MAP4K5: variants seen among roughly 807,000 people sequenced by gnomAD.
MAP4K5 encodes the protein MAPK/ERK kinase kinase kinase 5.
A neutral mutation model predicts 135.6 loss-of-function variants in MAP4K5; 82 were observed. That is an observed-to-expected ratio of 0.60 (90% CI 0.51 to 0.73). The LOEUF is 0.73. MAP4K5 is among the 30% of genes least tolerant of loss of function. The probability of loss-of-function intolerance (pLI) is 0.00; values close to 1 mark genes in which losing one functional copy is unlikely to be tolerated. For missense variants in MAP4K5, 907 were observed against 1,010.9 expected, an observed-to-expected ratio of 0.90 and a Z score of 1.39; for synonymous variants, 347 against 335.0, an observed-to-expected ratio of 1.04 and a Z score of -0.39.
At chr14:50,510,219 A>ATATGC (rs769052616) in intron 2 of MAP4K5, among the ~76,000 whole-genome samples, 1 of 152,228 alleles carries the variant, frequency 6.6e-6, no homozygotes, top group Non-Finnish European at 1.5e-5. Context: ...AAAAGATCTA[A>ATATGC]TATGCTTCTC....
At chr14:50,509,123 A>G (rs1160916318) in intron 2 of MAP4K5, among the ~76,000 whole-genome samples, 4 of 152,030 alleles carry the variant, frequency 2.6e-5, no homozygotes, top group Non-Finnish European at 5.9e-5. Context: ...TGAGCAAACT[A>G]TCACAAGGAC....
chr14:50,443,705 A>C, intron 20 of MAP4K5, 24 bp downstream of exon 20: 2 of 1,570,820 alleles, frequency 1.3e-6, no homozygotes, highest in Non-Finnish European at 1.7e-6. Context: ...AACGGCAAAT[A>C]GTTCACATAA....
upstream of MAP4K5, among the ~76,000 whole-genome samples, chr14:50,533,631 C>T (rs1165990333): frequency 6.6e-6 from 1 of 152,080 alleles, no homozygotes; most frequent in African/African-American, 2.4e-5. Context: ...AGAATTTGAA[C>T]AGAAAAGCCA....
At chr14:50,492,994 A>G (rs2037516187) in intron 3 of MAP4K5, among the ~76,000 whole-genome samples, 1 of 151,034 alleles carries the variant, frequency 6.6e-6, no homozygotes. Flanking sequence ...TGACTGCACC[A>G]CTGCCCTCCA....
Position 50,486,747 on chromosome 14 carries a change from ATG to A in MAP4K5, c.167-555_167-554del, listed in dbSNP as rs1460420838. Among the ~76,000 whole-genome samples the A allele has an allele frequency of 5.9e-5, 9 of 152,244 alleles. No homozygotes were observed. The South Asian group carries it at 1.9e-3, about 32-fold the overall frequency. On this transcript the variant is annotated intron_variant, in intron 3 of 32. Coordinates refer to ENST00000682126, the MANE Select transcript of MAP4K5 (RefSeq NM_006575.6). ...GGAGTTCAAGACCAGCCTGGCCAACATGGTGAGACCCCGTTTCTACTAAAAAC... is the reference window on the plus strand; with the variant it reads ...GGAGTTCAAGACCAGCCTGGCCAACAGTGAGACCCCGTTTCTACTAAAAAC...
At chr14:50,443,826 T>C (rs2036281727) in intron 19 of MAP4K5, 56 bp from the exon 20 acceptor site, 8 of 1,532,182 alleles carry the variant, frequency 5.2e-6, no homozygotes, top group Non-Finnish European at 6.2e-6. Flanking sequence ...AAAAAGAAAC[T>C]TGAGACATTT....
At chr14:50,514,344 A>C (rs1445197057) in intron 2 of MAP4K5, among the ~76,000 whole-genome samples, 1 of 152,150 alleles carries the variant, frequency 6.6e-6, no homozygotes, top group Admixed American at 6.5e-5. Context: ...CATCCTCCCA[A>C]AGTGCTGGGA....
At chr14:50,435,198 G>A (rs2036063198) in intron 26 of MAP4K5, 133 bp from the exon 27 acceptor site, 5 of 479,932 alleles carry the variant, frequency 1.0e-5, no homozygotes, top group Non-Finnish European at 1.8e-5. Context: ...TGGCTTCATT[G>A]CCTTTTCCGT....
chr14:50,460,706 T>C (rs1305277627), intron 13 of MAP4K5, among the ~76,000 whole-genome samples: 1 of 152,204 alleles, frequency 6.6e-6, no homozygotes, highest in African/African-American at 2.4e-5. Context: ...GACAGGATTA[T>C]GCTATATACC....
chr14:50,549,206 T>G (rs913308597), intron 1 of MAP4K5, among the ~76,000 whole-genome samples: 17 of 152,156 alleles, frequency 1.1e-4, no homozygotes, highest in African/African-American at 3.4e-4. Flanking sequence ...GGTACATTGA[T>G]GGGTCTAGCA....
intron 6 of MAP4K5, among the ~76,000 whole-genome samples, chr14:50,481,548 T>C (rs1052458354): frequency 1.3e-5 from 2 of 152,184 alleles, no homozygotes; most frequent in Admixed American, 6.5e-5. Flanking sequence ...CAATTATCAG[T>C]TGTAAATTAC....
At chr14:50,547,514 C>A (rs1449868239) in intron 1 of MAP4K5, among the ~76,000 whole-genome samples, 1 of 152,168 alleles carries the variant, frequency 6.6e-6, no homozygotes, top group Non-Finnish European at 1.5e-5. Context: ...CTTGCCCTAG[C>A]CCAGGCAGGC....
intron 10 of MAP4K5, among the ~76,000 whole-genome samples, chr14:50,467,217 T>C (rs1566659881): frequency 1.3e-5 from 2 of 152,142 alleles, no homozygotes; most frequent in Admixed American, 6.5e-5. Context: ...GGTAGTATGA[T>C]AGAGGATTTA....
At chr14:50,493,030 GA>G (rs1307496107) in intron 3 of MAP4K5, among the ~76,000 whole-genome samples, 4 of 114,728 alleles carry the variant, frequency 3.5e-5, no homozygotes, top group African/African-American at 9.7e-5. Flanking sequence ...TCAAAAAAAA[GA>G]AAAAAAAAGG....
chr14:50,499,555 G>A (rs1230769259), intron 3 of MAP4K5, among the ~76,000 whole-genome samples: 3 of 151,982 alleles, frequency 2.0e-5, no homozygotes, highest in Non-Finnish European at 4.4e-5. Context: ...CTACTCAGGA[G>A]GCTGAGGCAC....
intron 2 of MAP4K5, among the ~76,000 whole-genome samples, chr14:50,522,859 G>T (rs985779386): frequency 6.6e-6 from 1 of 152,160 alleles, no homozygotes; most frequent in Non-Finnish European, 1.5e-5. Flanking sequence ...ATTACCTTCA[G>T]ATTTTTAGGC....
chr14:50,555,183 T>A (rs771956022), intron 1 of MAP4K5, among the ~76,000 whole-genome samples: 24 of 152,212 alleles, frequency 1.6e-4, no homozygotes, highest in Non-Finnish European at 3.1e-4. Flanking sequence ...ATGCCCACAC[T>A]AGAGCAGCCA....
rs779933085 is a variant in MAP4K5, at chr14:50,429,266, GA to G, written c.2165-7del. On this transcript the variant is annotated splice_region_variant and splice_polypyrimidine_tract_variant and intron_variant, in intron 28 of 32. Coordinates refer to ENST00000682126, the MANE Select transcript of MAP4K5 (RefSeq NM_006575.6). ...GGAATCTAACTGCTGGCTGCCTTAGGAAGTAAAAAACAAGGTTACAATTATA... is the reference window on the plus strand; with the variant it reads ...GGAATCTAACTGCTGGCTGCCTTAGGAGTAAAAAACAAGGTTACAATTATA... 2.6e-6 allele frequency: 4 copies of G among 1,544,370 alleles called. No homozygotes were observed. The highest frequency in any genetic ancestry group is 3.5e-6 in the Non-Finnish European group (4 of 1,139,078).
At chr14:50,523,798 C>A (rs1208921146) in intron 2 of MAP4K5, among the ~76,000 whole-genome samples, 3 of 152,196 alleles carry the variant, frequency 2.0e-5, no homozygotes. Flanking sequence ...CAAGGCACCA[C>A]AACAGTGTCT....
Sources: allele counts gnomAD v4.1 joint callset (sites outside exome capture counted in the v4.1 genomes callset), GRCh38; gene constraint gnomAD v4.1.1; transcripts MANE v1.5; gene names NCBI Gene and HGNC (gene_info 2026-07-23, HGNC 2026-07-21).